TAF1B: variants seen among roughly 807,000 people sequenced by gnomAD.
TAF1B encodes TATA-box binding protein associated factor, RNA polymerase I subunit B, also known as TATA box-binding protein-associated factor RNA polymerase I subunit B.
TAF1B carries 61 observed loss-of-function variants against 83.9 expected under a neutral mutation model. The observed-to-expected ratio is 0.73, with a 90% CI of 0.59 to 0.90. The LOEUF (loss-of-function observed/expected upper bound fraction) is 0.90, where lower values mean the gene tolerates loss of function less well. TAF1B is among the 40% of genes least tolerant of loss of function. The pLI, the probability that TAF1B is intolerant of heterozygous loss-of-function variation, is 0.00. For missense variants in TAF1B, 625 were observed against 677.0 expected (o/e 0.92, Z 0.85); for synonymous variants, 221 against 224.6 (o/e 0.98, Z 0.14).
chr2:9,843,459 G>T (rs1663082085), upstream of TAF1B: 2 of 1,325,938 alleles, frequency 1.5e-6, no homozygotes, highest in Non-Finnish European at 1.9e-6. Context: ...GTTTCCGGCC[G>T]GAAGCTTCTC....
intron 9 of TAF1B, among the ~76,000 whole-genome samples, chr2:9,908,028 CTTTTTTTTTTTTT>C (rs57261740): frequency 2.7e-3 from 194 of 71,742 alleles, no homozygotes; most frequent in African/African-American, 8.0e-3. Flanking sequence ...GATCTTAATT[CTTTTTTTTTTTTT>C]TTTTTTTTTT....
chr2:9,911,188 A>G (rs187178994), intron 10 of TAF1B, among the ~76,000 whole-genome samples: 123 of 152,288 alleles, frequency 8.1e-4, no homozygotes, highest in African/African-American at 2.8e-3. Flanking sequence ...TTAGGTAGCA[A>G]TGTTCCTCAT....
At chr2:9,898,870 C>G (rs1405251133) in intron 8 of TAF1B, among the ~76,000 whole-genome samples, 1 of 150,428 alleles carries the variant, frequency 6.6e-6, no homozygotes, top group Non-Finnish European at 1.5e-5. Flanking sequence ...TATTACACTT[C>G]TAATTATGAC....
rs752332585 is a variant in TAF1B at position 9,913,169 on chromosome 2, GT to G, written c.1194del (p.Phe398LeufsTer10). 3.4e-5 allele frequency: 55 copies of G among 1,606,996 alleles called. No homozygotes were observed. The highest frequency in any genetic ancestry group is 4.1e-5 in the Non-Finnish European group (48 of 1,177,704). On this transcript the variant is annotated frameshift_variant, in exon 12 of 15. Transcript: ENST00000263663. LOFTEE classifies it high-confidence loss of function. ...TTTTATTTCTTTCAGATAAGCCATG[GT>G]TTGATTTCAGAAAGTGGTACCAAAT... ...NEKNKKDKPW[F>X]DFRKWYQIMK...
At chr2:9,904,108 A>G (rs922666399) in intron 8 of TAF1B, among the ~76,000 whole-genome samples, 1 of 152,012 alleles carries the variant, frequency 6.6e-6, no homozygotes, top group African/African-American at 2.4e-5. Context: ...CTAAATCAGA[A>G]ATTTTTTTTT....
intron 4 of TAF1B, among the ~76,000 whole-genome samples, chr2:9,852,799 G>A (rs1196187875): frequency 3.9e-5 from 6 of 152,130 alleles, no homozygotes. Flanking sequence ...GCCCTCATAA[G>A]TGATATTAAA....
At chr2:9,890,902 C>A (rs1363156247) in intron 8 of TAF1B, among the ~76,000 whole-genome samples, 2 of 152,160 alleles carry the variant, frequency 1.3e-5, no homozygotes, top group Non-Finnish European at 1.5e-5. Flanking sequence ...TCCCAAGTAG[C>A]TGGGATTACA....
At chr2:9,850,131 C>T (rs1663339819) in intron 3 of TAF1B, among the ~76,000 whole-genome samples, 1 of 152,030 alleles carries the variant, frequency 6.6e-6, no homozygotes, top group Non-Finnish European at 1.5e-5. Flanking sequence ...CATGTTTCTG[C>T]TTAGCCTTTA....
rs188712004 is a variant in TAF1B, at chr2:9,914,090, A to C, written c.1271+841A>C. Among the ~76,000 whole-genome samples the C allele has an allele frequency of 6.6e-6, 1 of 152,330 alleles. No homozygotes were observed. The highest frequency in any genetic ancestry group is 6.5e-5 in the Admixed American group (1 of 15,296). ...AATGCCCACTTATATACTGTAATTA[A>C]GACCCAATTTTCCAGTATGAGAGTA... is the stretch of plus-strand genomic sequence containing the variant. On this transcript the variant is annotated intron_variant, in intron 12 of 14. Coordinates refer to ENST00000263663, the MANE Select transcript of TAF1B (RefSeq NM_005680.3). The surrounding 1 kb of genome is among the most constrained non-coding windows in gnomAD (Gnocchi z 4.3).
intron 8 of TAF1B, among the ~76,000 whole-genome samples, chr2:9,886,244 G>A (rs888251523): frequency 2.0e-5 from 3 of 151,366 alleles, no homozygotes; most frequent in Non-Finnish European, 4.4e-5. Context: ...GGAAAATTAA[G>A]TTTCCATTTT....
chr2:9,900,060 T>C (rs1035373534), intron 8 of TAF1B, among the ~76,000 whole-genome samples: 5 of 152,224 alleles, frequency 3.3e-5, no homozygotes, highest in Non-Finnish European at 7.3e-5. Context: ...TCACAGGCTA[T>C]CTCGTGGCAT....
In TAF1B at chr2:9,848,040, G is replaced by A. The variant is rs576893751; in HGVS notation, c.118-1333G>A. On this transcript the variant is annotated intron_variant, in intron 2 of 14. Transcript: ENST00000263663. ...AGTTTTGGATGTTTCATTTTTTCAG[G>A]TTTTTTGCTCTTTCACGTTTTGTCT... Among the ~76,000 whole-genome samples the A allele has an allele frequency of 3.3e-5, 5 of 152,036 alleles. No individual in the cohort carries two copies. In the South Asian group the frequency reaches 1.0e-3, roughly 32 times the overall value.
chr2:9,920,660 A>G (rs1051931900), intron 14 of TAF1B, among the ~76,000 whole-genome samples: 4 of 152,068 alleles, frequency 2.6e-5, no homozygotes, highest in Non-Finnish European at 4.4e-5. Flanking sequence ...TCCACAGTGT[A>G]GTTACTATGT....
In TAF1B at chr2:9,904,899, A is replaced by T; in HGVS notation, c.848A>T (p.Glu283Val). 20 of 1,610,234 alleles carry T rather than the reference A, an allele frequency of 1.2e-5. No homozygotes were observed. Among genetic ancestry groups the T allele is most frequent in the Non-Finnish European group, 1.7e-5 (20 of 1,176,492 alleles). The change falls in exon 9 of 15, where the codon GAA (glutamate) becomes GTA (valine). Residue 283 changes from glutamate (E) to valine (V), a missense_variant. Transcript: ENST00000263663. Reference protein sequence around the residue: ...DYEDIYKKTVEVGTFLDLPRF... With the variant: ...DYEDIYKKTVVVGTFLDLPRF... The stretch of plus-strand genomic sequence containing the variant: ...GAGGACATCTACAAAAAAACAGTAG[A>T]AGTTGGAACATTTTTAGATTTGCCT...
chr2:9,891,695 G>A (rs1664878905), intron 8 of TAF1B, among the ~76,000 whole-genome samples: 1 of 151,934 alleles, frequency 6.6e-6, no homozygotes, highest in Non-Finnish European at 1.5e-5. Flanking sequence ...CCCCATATAG[G>A]CCTGGGCTAA....
intron 5 of TAF1B, among the ~76,000 whole-genome samples, chr2:9,862,036 C>T (rs12618186): frequency 0.26 from 37,380 of 144,484 alleles, 5,084 homozygotes; most frequent in Non-Finnish European, 0.33. Context: ...AAAATCAGAA[C>T]GCCTCTCCTC....
intron 5 of TAF1B, among the ~76,000 whole-genome samples, chr2:9,866,950 G>T (rs149606124): frequency 3.3e-5 from 5 of 152,050 alleles, no homozygotes; most frequent in East Asian, 1.9e-4. Flanking sequence ...GTGGGTGGAG[G>T]GGGGAGGGAT....
chr2:9,845,215 C>T lies in TAF1B; in HGVS notation c.19-5C>T. 1.2e-6 allele frequency: 2 copies of T among 1,605,520 alleles called. No homozygotes were observed. Among genetic ancestry groups the T allele is most frequent in the Middle Eastern group, 1.7e-4 (1 of 6,040 alleles). On this transcript the variant is annotated splice_polypyrimidine_tract_variant and splice_region_variant and intron_variant, in intron 1 of 14. Transcript: ENST00000263663. ...GAACACCTTTTCTGTCCTCTTCTCC[C>T]ATAGGAAGAGTTTAAAGAACGCTGT...
chr2:9,928,488 T>C, intron 14 of TAF1B, among the ~76,000 whole-genome samples: 1 of 152,264 alleles, frequency 6.6e-6, no homozygotes, highest in Non-Finnish European at 1.5e-5. Flanking sequence ...TTCCTATCCA[T>C]GACCATGGAA....
Sources: gnomAD v4.1 joint callset for allele counts (sites outside exome capture counted in the v4.1 genomes callset) on GRCh38, gnomAD v4.1.1 for gene constraint, Gnocchi (gnomAD v3.1) non-coding constraint, MANE v1.5 for transcripts, NCBI Gene and HGNC (gene_info 2026-07-23, HGNC 2026-07-21) for gene names.